LRRC4C: variants seen among roughly 807,000 people sequenced by gnomAD.
LRRC4C encodes the protein leucine rich repeat containing 4C.
In LRRC4C, 5 loss-of-function variants were observed where a neutral mutation model predicts 33.6. That is an observed-to-expected ratio of 0.15 (90% confidence interval 0.08 to 0.31). LRRC4C has a LOEUF of 0.31. LRRC4C is among the 10% of genes least tolerant of loss of function. The probability of loss-of-function intolerance (pLI) is 1.00; values close to 1 mark genes in which losing one functional copy is unlikely to be tolerated. For missense variants in LRRC4C, 560 were observed against 796.7 expected (o/e 0.70, Z 3.58); for synonymous variants, 329 against 302.0 (o/e 1.09, Z -0.93).
rs1857561208 is a variant in LRRC4C at position 41,043,284 on chromosome 11, G to T, written c.-495-109561C>A. On this transcript the variant is annotated intron_variant, in intron 1 of 6. Coordinates refer to ENST00000528697, the MANE Select transcript of LRRC4C (RefSeq NM_001258419.2). ...CCCTTGGCTCTTGCACTTTATGGCT[G>T]CAGACCACAACACCATCAACACGCT... Among the ~76,000 whole-genome samples, 4 of 151,884 alleles carry T rather than the reference G, an allele frequency of 2.6e-5. No homozygotes were observed. In the South Asian group the frequency reaches 8.3e-4, roughly 32 times the overall value.
chr11:40,870,138 AAG>A (rs1166151085), intron 2 of LRRC4C, among the ~76,000 whole-genome samples: 1 of 152,212 alleles, frequency 6.6e-6, no homozygotes, highest in Non-Finnish European at 1.5e-5. Context: ...ACCAAATAAA[AAG>A]AAAACAACAA....
chr11:40,331,126 TAAC>T, intron 3 of LRRC4C, among the ~76,000 whole-genome samples: 1 of 152,132 alleles, frequency 6.6e-6, no homozygotes, highest in East Asian at 1.9e-4. Flanking sequence ...GACAAAAACA[TAAC>T]AAATGCTGGT....
intron 1 of LRRC4C, among the ~76,000 whole-genome samples, chr11:41,047,999 C>G (rs1415466019): frequency 2.0e-5 from 3 of 152,148 alleles, no homozygotes; most frequent in Non-Finnish European, 4.4e-5. Context: ...AGCTCTTAAA[C>G]CACATTTTGC....
chr11:40,616,847 A>C (rs1033117288), intron 3 of LRRC4C, among the ~76,000 whole-genome samples: 1 of 151,712 alleles, frequency 6.6e-6, no homozygotes, highest in Non-Finnish European at 1.5e-5. Flanking sequence ...CCAACATGGC[A>C]CATGTATACA....
At chr11:40,970,167 C>T (rs932332081) in intron 1 of LRRC4C, among the ~76,000 whole-genome samples, 3 of 152,136 alleles carry the variant, frequency 2.0e-5, no homozygotes, top group African/African-American at 7.2e-5. Flanking sequence ...AACCTCAAAC[C>T]AAGAGATGGT....
chr11:40,992,524 G>A (rs969616842), intron 1 of LRRC4C, among the ~76,000 whole-genome samples: 1 of 151,096 alleles, frequency 6.6e-6, no homozygotes, highest in African/African-American at 2.4e-5. Flanking sequence ...ATATTTTCCT[G>A]ACCCTTATCA....
At chr11:41,427,162 A>AGGCAT (rs1183336173) in intron 1 of LRRC4C, among the ~76,000 whole-genome samples, 1 of 152,172 alleles carries the variant, frequency 6.6e-6, no homozygotes, top group Admixed American at 6.5e-5. Context: ...CCTTTCTATA[A>AGGCAT]GCATTTGAAA....
At chr11:40,379,132 A>G (rs1010992613) in intron 3 of LRRC4C, among the ~76,000 whole-genome samples, 1 of 152,158 alleles carries the variant, frequency 6.6e-6, no homozygotes, top group Non-Finnish European at 1.5e-5. Context: ...AGAGTAACTT[A>G]AAGATGTTTG....
intron 1 of LRRC4C, among the ~76,000 whole-genome samples, chr11:41,301,508 G>C (rs1950287994): frequency 6.6e-6 from 1 of 152,090 alleles, no homozygotes. Flanking sequence ...CTCTACTTTA[G>C]AGAAACTGAA....
intron 3 of LRRC4C, among the ~76,000 whole-genome samples, chr11:40,438,447 T>C (rs942663526): frequency 6.6e-6 from 1 of 152,238 alleles, no homozygotes; most frequent in South Asian, 2.1e-4. Context: ...TCGTATGTTC[T>C]ATTTGTTGTC....
At chr11:40,823,414 C>T (rs1554968565) in intron 2 of LRRC4C, among the ~76,000 whole-genome samples, 5 of 151,444 alleles carry the variant, frequency 3.3e-5, no homozygotes, top group Non-Finnish European at 7.4e-5. Context: ...AAAATAAATA[C>T]ATTAATTAAT....
At chr11:40,153,402 C>T (rs934745829) in intron 5 of LRRC4C, among the ~76,000 whole-genome samples, 1 of 152,060 alleles carries the variant, frequency 6.6e-6, no homozygotes, top group African/African-American at 2.4e-5. Context: ...CCCTGAAAAT[C>T]ACACTAGTTC....
intron 2 of LRRC4C, among the ~76,000 whole-genome samples, chr11:40,742,625 T>A (rs533618051): frequency 6.6e-6 from 1 of 152,168 alleles, no homozygotes; most frequent in Admixed American, 6.6e-5. Context: ...ATAATTACCC[T>A]GGCAGCTGAT....
chr11:40,136,327 C>T (rs1257623774), intron 6 of LRRC4C, among the ~76,000 whole-genome samples: 2 of 151,928 alleles, frequency 1.3e-5, no homozygotes, highest in Non-Finnish European at 2.9e-5. Context: ...AGTGCAGTGG[C>T]GCGATCTCGG....
rs550569161 is a variant in LRRC4C at position 40,408,476 on chromosome 11, G to A, written c.-269-88755C>T. 2.6e-5 allele frequency among the ~76,000 whole-genome samples: 4 copies of A among 151,688 alleles called. No individual in the cohort carries two copies. The East Asian group carries it at 7.8e-4, about 29-fold the overall frequency. On this transcript the variant is annotated intron_variant, in intron 3 of 6. Transcript: ENST00000528697. ...AAGTTATTTATATGCTACCTCACTT[G>A]AAACTCCAAGAGGTGGGGGACCTCT... is the stretch of plus-strand genomic sequence containing the variant.
At chr11:40,210,305 A>T (rs577996048) in intron 5 of LRRC4C, among the ~76,000 whole-genome samples, 7 of 152,104 alleles carry the variant, frequency 4.6e-5, no homozygotes, top group Non-Finnish European at 7.4e-5. Context: ...TATGCAATAT[A>T]AAGTTTAGAG....
chr11:41,057,679 C>T (rs1484967950), intron 1 of LRRC4C, among the ~76,000 whole-genome samples: 1 of 152,196 alleles, frequency 6.6e-6, no homozygotes, highest in East Asian at 1.9e-4. Flanking sequence ...AGAAGAGCAA[C>T]CCAACCTAGG....
At chr11:41,087,480 A>G (rs1940090086) in intron 1 of LRRC4C, among the ~76,000 whole-genome samples, 1 of 152,042 alleles carries the variant, frequency 6.6e-6, no homozygotes, top group Admixed American at 6.6e-5. Flanking sequence ...TTGCAATTGC[A>G]ATTAATTTGG....
chr11:40,948,184 T>C (rs1958499497), intron 1 of LRRC4C, among the ~76,000 whole-genome samples: 2 of 152,126 alleles, frequency 1.3e-5, no homozygotes, highest in South Asian at 4.1e-4. Flanking sequence ...TCTCCCTCAA[T>C]ATACTCCATA....
Sources: gnomAD v4.1 joint callset for allele counts (sites outside exome capture counted in the v4.1 genomes callset) on GRCh38, gnomAD v4.1.1 for gene constraint, MANE v1.5 for transcripts, NCBI Gene and HGNC (gene_info 2026-07-23, HGNC 2026-07-21) for gene names.